The following NDUFA5 variants were observed in gnomAD, a reference collection of about 807,000 sequenced individuals.
The protein encoded by NDUFA5 is NADH:ubiquinone oxidoreductase subunit A5, also known as NADH dehydrogenase [ubiquinone] 1 alpha subcomplex subunit 5.
NDUFA5 carries 11 observed loss-of-function variants against 19.8 expected under a neutral mutation model. That is an observed-to-expected ratio of 0.56 (90% CI 0.35 to 0.92). NDUFA5 has a LOEUF of 0.92. Ranked by LOEUF, NDUFA5 falls within the 40% of genes least tolerant of loss-of-function variation. The probability of loss-of-function intolerance (pLI) is 0.01; values close to 1 mark genes in which losing one functional copy is unlikely to be tolerated. For missense variants in NDUFA5, 109 were observed against 134.2 expected, an observed-to-expected ratio of 0.81 and a Z score of 0.93; for synonymous variants, 47 against 46.8, an observed-to-expected ratio of 1.00 and a Z score of -0.01.
chr7:123,557,321 C>T, intron 2 of NDUFA5, 83 bp downstream of exon 2: 2 of 1,586,614 alleles, frequency 1.3e-6, no homozygotes, highest in East Asian at 2.3e-5. Flanking sequence ...CATCTGTATC[C>T]CGTTAACCCT....
the NDUFA5 span, among the ~76,000 whole-genome samples, chr7:123,577,871 C>T: frequency 5.3e-5 from 8 of 152,000 alleles, no homozygotes; most frequent in Non-Finnish European, 7.4e-5. Context: ...AAATATCAAG[C>T]GTAGTCTTTG....
intron 4 of NDUFA5, among the ~76,000 whole-genome samples, chr7:123,544,770 A>T (rs1291786760): frequency 2.1e-5 from 3 of 142,698 alleles, no homozygotes; most frequent in Admixed American, 6.8e-5. Context: ...ATCTTAAAAA[A>T]AAAAAAAAAA....
At chr7:123,567,439 C>G in the NDUFA5 span, among the ~76,000 whole-genome samples, 1 of 152,082 alleles carries the variant, frequency 6.6e-6, no homozygotes, top group Non-Finnish European at 1.5e-5. Flanking sequence ...CTTTGTGATG[C>G]CTCTAGCCTA....
At chr7:123,589,232 T>C in the NDUFA5 span, among the ~76,000 whole-genome samples, 65 of 151,820 alleles carry the variant, frequency 4.3e-4, no homozygotes, top group South Asian at 0.013. Flanking sequence ...TGGGTGCACA[T>C]ATAATTACAA....
At chr7:123,572,306 T>C in the NDUFA5 span, among the ~76,000 whole-genome samples, 1 of 151,340 alleles carries the variant, frequency 6.6e-6, no homozygotes, top group Admixed American at 6.6e-5. Context: ...CATGCCCGCT[T>C]AATTTTTGTA....
intron 3 of NDUFA5, chr7:123,546,655 T>C (rs1296880219): frequency 1.6e-6 from 2 of 1,281,132 alleles, no homozygotes; most frequent in Middle Eastern, 2.1e-4. Context: ...GAGAAAATAA[T>C]ACATTTTGCT....
chr7:123,587,771 CT>C, the NDUFA5 span, among the ~76,000 whole-genome samples: 3 of 151,794 alleles, frequency 2.0e-5, no homozygotes, highest in African/African-American at 7.2e-5. Flanking sequence ...TTGTCAAATA[CT>C]TTTTCTGCAT....
rs1321126858 is a variant in NDUFA5 at position 123,541,738 on chromosome 7, A to G, written c.*381T>C. Reference sequence around the variant, plus strand: ...AATCTATAAATTTGTTTAGACTATAATAATTAAGGACCTTTCCTTCTTCAG... The same window carrying G: ...AATCTATAAATTTGTTTAGACTATAGTAATTAAGGACCTTTCCTTCTTCAG... On this transcript the variant is annotated 3_prime_UTR_variant, in exon 5 of 5. Coordinates refer to ENST00000355749, the MANE Select transcript of NDUFA5 (RefSeq NM_005000.5). 6.5e-6 allele frequency: 1 copy of G among 152,946 alleles called. No individual in the cohort carries two copies. Among genetic ancestry groups the G allele is most frequent in the Non-Finnish European group, 1.5e-5 (1 of 68,558 alleles). The allele number at this position is 152,946 out of a possible 1,614,324, so 9.5% of individuals were successfully genotyped here.
the NDUFA5 span, among the ~76,000 whole-genome samples, chr7:123,569,520 T>G: frequency 6.6e-6 from 1 of 152,166 alleles, no homozygotes; most frequent in Non-Finnish European, 1.5e-5. Context: ...AGAGGATGTA[T>G]GAGATTGACT....
chr7:123,542,244 G>C, intron 4 of NDUFA5, 24 bp from the exon 5 acceptor site: 1 of 1,555,526 alleles, frequency 6.4e-7, no homozygotes, highest in African/African-American at 1.4e-5. Flanking sequence ...TTTTTTAAAA[G>C]ATCATTGGAT....
At chr7:123,581,784 A>G in the NDUFA5 span, among the ~76,000 whole-genome samples, 1 of 151,948 alleles carries the variant, frequency 6.6e-6, no homozygotes, top group South Asian at 2.1e-4. Flanking sequence ...AATATATCAC[A>G]TATGTTTGTA....
the NDUFA5 span, among the ~76,000 whole-genome samples, chr7:123,577,005 T>C: frequency 6.6e-6 from 1 of 152,300 alleles, no homozygotes; most frequent in African/African-American, 2.4e-5. Context: ...ACAAGAAGAC[T>C]TCCTGTTATC....
chr7:123,559,378 A>G (rs2116226131), upstream of NDUFA5, among the ~76,000 whole-genome samples: 1 of 152,090 alleles, frequency 6.6e-6, no homozygotes, highest in South Asian at 2.1e-4. Flanking sequence ...GGTAAATTCC[A>G]CTGAACAATT....
chr7:123,540,890 G>GCGCGCGCACGCACACA lies in NDUFA5; in HGVS notation c.*1228_*1229insTGTGTGCGTGCGCGCG. 7.5e-6 allele frequency: 1 copy of GCGCGCGCACGCACACA among 133,908 alleles called. No individual in the cohort carries two copies. Among genetic ancestry groups the GCGCGCGCACGCACACA allele is most frequent in the Non-Finnish European group, 1.6e-5 (1 of 63,210 alleles). 8.3% of individuals were successfully genotyped at this position (133,908 alleles called of 1,614,324 possible). On this transcript the variant is annotated 3_prime_UTR_variant, in exon 5 of 5. Coordinates refer to ENST00000355749, the MANE Select transcript of NDUFA5 (RefSeq NM_005000.5). Reference sequence around the variant, plus strand: ...TCTGAGCAAATGTGCGCATGCGCGTGCACACACACACACACACACACACAC... The same window carrying GCGCGCGCACGCACACA: ...TCTGAGCAAATGTGCGCATGCGCGTGCGCGCGCACGCACACACACACACACACACACACACACACAC...
chr7:123,578,066 C>T, the NDUFA5 span, among the ~76,000 whole-genome samples: 4 of 150,836 alleles, frequency 2.7e-5, no homozygotes, highest in African/African-American at 9.8e-5. Flanking sequence ...TGACAGGCCC[C>T]GGTGTGTGAA....
chr7:123,567,406 G>A, the NDUFA5 span, among the ~76,000 whole-genome samples: 9,858 of 152,102 alleles, frequency 0.065, 349 homozygotes, highest in Non-Finnish European at 0.079. Flanking sequence ...CAAAAATCTG[G>A]GTCTCACATT....
At chr7:123,584,115 C>G in the NDUFA5 span, among the ~76,000 whole-genome samples, 1 of 151,780 alleles carries the variant, frequency 6.6e-6, no homozygotes, top group Non-Finnish European at 1.5e-5. Context: ...TTCTTCAGCT[C>G]AGACTTTTCT....
At chr7:123,551,396 A>G (rs1031880521) in intron 2 of NDUFA5, 5 of 185,480 alleles carry the variant, frequency 2.7e-5, no homozygotes, top group Non-Finnish European at 3.0e-5. Flanking sequence ...TTTAGTAGAG[A>G]CAGGGTTTTG....
chr7:123,545,989 G>C (rs2116083217), intron 3 of NDUFA5, among the ~76,000 whole-genome samples: 1 of 152,056 alleles, frequency 6.6e-6, no homozygotes, highest in South Asian at 2.1e-4. Flanking sequence ...TATTTCCTCT[G>C]AGAGCATTAG....
Sources: allele counts gnomAD v4.1 joint callset (sites outside exome capture counted in the v4.1 genomes callset), GRCh38; gene constraint gnomAD v4.1.1; transcripts MANE v1.5; gene names NCBI Gene and HGNC (gene_info 2026-07-23, HGNC 2026-07-21).